SH3RF2: variants seen among roughly 807,000 people sequenced by gnomAD.
SH3RF2 encodes E3 ubiquitin-protein ligase SH3RF2.
SH3RF2 carries 43 observed loss-of-function variants against 59.0 expected under a neutral mutation model. The observed-to-expected ratio is 0.73, with a 90% CI of 0.57 to 0.94. The LOEUF is 0.94. Among genes scored for constraint, SH3RF2 ranks in the 40% least tolerant of loss-of-function variants. SH3RF2 has a pLI of 0.00. For synonymous variants in SH3RF2, 391 were observed against 391.5 expected, an observed-to-expected ratio of 1.00 and a Z score of 0.01; for missense variants, 930 against 940.1, an observed-to-expected ratio of 0.99 and a Z score of 0.14.
At chr5:146,047,435 A>T (rs987566717) in intron 5 of SH3RF2, among the ~76,000 whole-genome samples, 3 of 152,068 alleles carry the variant, frequency 2.0e-5, no homozygotes, top group African/African-American at 7.2e-5. Flanking sequence ...GCAGGTTTTC[A>T]TAGAGGGAGA....
chr5:146,029,694 A>G (rs778668084), intron 5 of SH3RF2, among the ~76,000 whole-genome samples: 4 of 152,172 alleles, frequency 2.6e-5, no homozygotes, highest in Non-Finnish European at 4.4e-5. Flanking sequence ...ATGTTCTTCC[A>G]TTGTTTTCAT....
At chr5:145,979,421 C>T (rs1309117415) in intron 2 of SH3RF2, among the ~76,000 whole-genome samples, 1 of 152,160 alleles carries the variant, frequency 6.6e-6, no homozygotes, top group Non-Finnish European at 1.5e-5. Flanking sequence ...TACAAATATC[C>T]AAACAAGACC....
chr5:146,032,177 T>C (rs1038650651), intron 5 of SH3RF2, among the ~76,000 whole-genome samples: 1 of 152,206 alleles, frequency 6.6e-6, no homozygotes, highest in Non-Finnish European at 1.5e-5. Flanking sequence ...ATAAGCTCCA[T>C]AAGGACAGAA....
chr5:145,938,276 A>G lies in SH3RF2; in HGVS notation c.348A>G (p.Leu116=). The G allele has an allele frequency of 6.3e-7, 1 of 1,581,614 alleles. No homozygotes were observed. The highest frequency in any genetic ancestry group is 8.6e-7 in the Non-Finnish European group (1 of 1,168,556). ...PRRLQASPFR[L]VPNVRIHMDG... is the part of the protein sequence containing the mutation. ...GTCTGCAGGCCAGTCCTTTCCGGCT[A>G]GTGCCTAATGTCAGAATCCACATGG... Residue 116 remains leucine, a synonymous_variant, in exon 2 of 10, where the codon CTA becomes CTG. Transcript: ENST00000359120.
rs542018245 is a variant in SH3RF2, at chr5:146,062,900, T to C, written c.*199T>C. 3.3e-5 allele frequency: 22 copies of C among 671,692 alleles called. No individual in the cohort carries two copies. The highest frequency in any genetic ancestry group is 4.7e-5 in the Non-Finnish European group (19 of 407,148). The allele number at this position is 671,692 out of a possible 1,614,324, so 41.6% of individuals were successfully genotyped here. On this transcript the variant is annotated 3_prime_UTR_variant, in exon 10 of 10. Transcript: ENST00000359120. Reference sequence around the variant, plus strand: ...GATAGATGGCGTGGCCTTCCAAACATACAAACATAATGATTTGATGCCACA... The same window carrying C: ...GATAGATGGCGTGGCCTTCCAAACACACAAACATAATGATTTGATGCCACA...
intron 2 of SH3RF2, chr5:145,997,425 T>C (rs1430705467): frequency 4.3e-6 from 6 of 1,382,150 alleles, no homozygotes; most frequent in Non-Finnish European, 5.2e-6. Flanking sequence ...AACTGGTCAT[T>C]ATACTGGCTG....
At chr5:145,973,753 T>G (rs1759177009) in intron 2 of SH3RF2, among the ~76,000 whole-genome samples, 1 of 152,246 alleles carries the variant, frequency 6.6e-6, no homozygotes, top group Non-Finnish European at 1.5e-5. Context: ...AAGCAATATA[T>G]GGAAGTCGTT....
rs149496204 is a variant in SH3RF2, at chr5:146,061,279, C to T, written c.1914+1055C>T. On this transcript the variant is annotated intron_variant, in intron 9 of 9. Coordinates refer to ENST00000359120, the MANE Select transcript of SH3RF2 (RefSeq NM_152550.4). Reference sequence around the variant, plus strand: ...CCCAAGACCGCACAGTTGACACATACGTGTGGAGTAGAATCCAGATCTGAT... The same window carrying T: ...CCCAAGACCGCACAGTTGACACATATGTGTGGAGTAGAATCCAGATCTGAT... 6.6e-5 allele frequency among the ~76,000 whole-genome samples: 10 copies of T among 152,220 alleles called. No individual in the cohort carries two copies. The East Asian group carries it at 7.7e-4, about 12-fold the overall frequency.
chr5:145,964,312 C>CTTTCT (rs1554110981), intron 2 of SH3RF2, among the ~76,000 whole-genome samples: 13 of 111,188 alleles, frequency 1.2e-4, no homozygotes, highest in East Asian at 2.4e-4. Context: ...TCCTTTCTTT[C>CTTTCT]TTTTTTTTTT....
chr5:146,060,364 T>C (rs1328589738), intron 9 of SH3RF2, 140 bp downstream of exon 9: 1 of 693,918 alleles, frequency 1.4e-6, no homozygotes, highest in Non-Finnish European at 2.3e-6. Context: ...ACACTCCTCC[T>C]CCCCAACTCC....
chr5:145,997,528 G>A (rs1034568476), intron 2 of SH3RF2: 36 of 1,605,780 alleles, frequency 2.2e-5, no homozygotes, highest in Non-Finnish European at 2.9e-5. Flanking sequence ...AATCCTCCTC[G>A]AGATTTTCTT....
chr5:146,075,611 G>A (rs1375798030), intron 9 of SH3RF2, among the ~76,000 whole-genome samples: 1 of 151,962 alleles, frequency 6.6e-6, no homozygotes, highest in East Asian at 1.9e-4. Flanking sequence ...AGGAGTTTGA[G>A]ACCAGCCTGG....
intron 5 of SH3RF2, among the ~76,000 whole-genome samples, chr5:146,020,577 T>C (rs960999852): frequency 2.6e-5 from 4 of 152,228 alleles, no homozygotes; most frequent in Admixed American, 2.6e-4. Context: ...CTCTCATATA[T>C]ATCTCTCTTG....
chr5:146,002,535 A>AGGAAGGAT (rs1405378041), intron 3 of SH3RF2, among the ~76,000 whole-genome samples: 13 of 143,362 alleles, frequency 9.1e-5, no homozygotes, highest in Admixed American at 2.1e-4. Context: ...GAAGGAAGGA[A>AGGAAGGAT]GGATAACCTA....
chr5:146,060,267 G>A lies in SH3RF2; in HGVS notation c.1914+43G>A, dbSNP rs760342270. On this transcript the variant is annotated intron_variant, in intron 9 of 9. Coordinates refer to ENST00000359120, the MANE Select transcript of SH3RF2 (RefSeq NM_152550.4). ...TTGGGGGCCCAACTCTTTCGATCCC[G>A]TACTATGCATAGTGTCTCAGCTCAG... 58 of 1,511,306 alleles carry A rather than the reference G, an allele frequency of 3.8e-5. No homozygotes were observed. The East Asian group carries it at 4.2e-4, about 11-fold the overall frequency. The allele number at this position is 1,511,306 out of a possible 1,614,324, so 93.6% of individuals were successfully genotyped here. A position where few individuals can be genotyped will look rare whatever the true frequency, so the allele number is the denominator to read the frequency against.
rs549404953 is a variant in SH3RF2, at chr5:146,057,894, A to T, written c.1555+1681A>T. On this transcript the variant is annotated intron_variant, in intron 8 of 9. Transcript: ENST00000359120. Reference sequence around the variant, plus strand: ...GAAGGTTGAGACTGCAGTGAGCTACAATCTCCTACTGTACTCCAGTCTGGG... The same window carrying T: ...GAAGGTTGAGACTGCAGTGAGCTACTATCTCCTACTGTACTCCAGTCTGGG... Among the ~76,000 whole-genome samples, 6 of 151,514 alleles carry T rather than the reference A, an allele frequency of 4.0e-5. No homozygotes were observed. In the East Asian group the frequency reaches 1.2e-3, roughly 29 times the overall value.
intron 5 of SH3RF2, among the ~76,000 whole-genome samples, chr5:146,046,680 A>G (rs1028743100): frequency 6.6e-6 from 1 of 152,130 alleles, no homozygotes; most frequent in African/African-American, 2.4e-5. Flanking sequence ...GCAAGGAAAC[A>G]CTCATAATCT....
At chr5:146,029,055 A>G (rs961705962) in intron 5 of SH3RF2, among the ~76,000 whole-genome samples, 1 of 152,250 alleles carries the variant, frequency 6.6e-6, no homozygotes, top group African/African-American at 2.4e-5. Flanking sequence ...CAAAGGCACA[A>G]TAAATACATA....
chr5:145,992,042 C>T (rs1009531862), intron 2 of SH3RF2, among the ~76,000 whole-genome samples: 3 of 152,080 alleles, frequency 2.0e-5, no homozygotes, highest in Non-Finnish European at 2.9e-5. Context: ...TTTTTAACAC[C>T]TCCCAGATTC....
Sources: allele counts gnomAD v4.1 joint callset (sites outside exome capture counted in the v4.1 genomes callset), GRCh38; gene constraint gnomAD v4.1.1; transcripts MANE v1.5; gene names NCBI Gene and HGNC (gene_info 2026-07-23, HGNC 2026-07-21).